Variants in EHHADH observed in about 807,000 individuals in gnomAD.
EHHADH encodes the protein peroxisomal bifunctional enzyme.
Under a neutral mutation model 64.4 loss-of-function variants are expected in EHHADH, and 48 were observed. The observed-to-expected ratio is 0.75, with a 90% confidence interval of 0.59 to 0.95. The LOEUF is 0.95. Among genes scored for constraint, EHHADH ranks in the 40% least tolerant of loss-of-function variants. The pLI, the probability that EHHADH is intolerant of heterozygous loss-of-function variation, is 0.00. For missense variants in EHHADH, 854 were observed against 876.6 expected (o/e 0.97, Z 0.33); for synonymous variants, 308 against 326.7 (o/e 0.94, Z 0.62).
At chr3:185,235,229 T>C (rs1325475466) in intron 3 of EHHADH, 61 bp downstream of exon 3, 2 of 1,452,624 alleles carry the variant, frequency 1.4e-6, no homozygotes, top group Non-Finnish European at 1.8e-6. Flanking sequence ...TGACTACATT[T>C]AGAGTTTGCC....
intron 6 of EHHADH, among the ~76,000 whole-genome samples, chr3:185,204,147 AAAAAAAAAAAAG>A (rs1718308497): frequency 1.3e-5 from 2 of 150,842 alleles, no homozygotes; most frequent in South Asian, 4.2e-4. Flanking sequence ...AAAAAAAAAA[AAAAAAAAAAAAG>A]AATAAAACAT....
At chr3:185,246,985 T>C (rs2108652297) in intron 2 of EHHADH, among the ~76,000 whole-genome samples, 3 of 152,292 alleles carry the variant, frequency 2.0e-5, no homozygotes, top group Middle Eastern at 6.8e-3. Context: ...TATTTCTGTT[T>C]TTACTCAGAG....
intron 5 of EHHADH, among the ~76,000 whole-genome samples, chr3:185,211,932 C>T (rs1466244910): frequency 6.6e-6 from 1 of 152,144 alleles, no homozygotes; most frequent in Non-Finnish European, 1.5e-5. Context: ...GCTAACACAG[C>T]CCAGCACAGC....
At chr3:185,204,147 A>T (rs945601344) in intron 6 of EHHADH, among the ~76,000 whole-genome samples, 38 of 150,958 alleles carry the variant, frequency 2.5e-4, no homozygotes, top group Admixed American at 4.6e-4. Context: ...AAAAAAAAAA[A>T]AAAAAAAAAA....
At chr3:185,221,126 T>A (rs970092012) in intron 4 of EHHADH, among the ~76,000 whole-genome samples, 3 of 152,336 alleles carry the variant, frequency 2.0e-5, no homozygotes, top group African/African-American at 7.2e-5. Context: ...GTTTTCCTGA[T>A]TTCTTCCAAT....
intron 2 of EHHADH, among the ~76,000 whole-genome samples, chr3:185,239,078 G>A (rs10433360): frequency 6.6e-6 from 1 of 151,912 alleles, no homozygotes; most frequent in East Asian, 1.9e-4. Context: ...TGACTTTATT[G>A]AAGATCAGTT....
At chr3:185,204,822 T>C in intron 5 of EHHADH, 65 bp from the exon 6 acceptor site, 2 of 1,323,642 alleles carry the variant, frequency 1.5e-6, no homozygotes, top group East Asian at 2.3e-5. Context: ...TGTGAATATA[T>C]AGTAATAACA....
intron 6 of EHHADH, among the ~76,000 whole-genome samples, chr3:185,195,795 C>T (rs545894772): frequency 3.1e-4 from 47 of 152,214 alleles, no homozygotes; most frequent in African/African-American, 1.0e-3. Flanking sequence ...TGAGGGAAGA[C>T]GGAAGAGTTG....
intron 6 of EHHADH, among the ~76,000 whole-genome samples, chr3:185,200,303 T>C (rs1235687064): frequency 6.6e-6 from 1 of 152,162 alleles, no homozygotes; most frequent in Non-Finnish European, 1.5e-5. Context: ...ACTGATTTAG[T>C]CTCTCTAGAA....
intron 6 of EHHADH, among the ~76,000 whole-genome samples, chr3:185,198,621 G>T (rs1040758199): frequency 6.6e-6 from 1 of 151,888 alleles, no homozygotes; most frequent in Non-Finnish European, 1.5e-5. Context: ...AGCTGAGGCA[G>T]GTGGATCACT....
At chr3:185,251,608 ATGTGTGTGTGTGTGTGTGTG>A (rs3072431) in intron 1 of EHHADH, among the ~76,000 whole-genome samples, 1 of 149,200 alleles carries the variant, frequency 6.7e-6, no homozygotes, top group Non-Finnish European at 1.5e-5. Flanking sequence ...AAAAATTTAT[ATGTGTGTGTGTGTGTGTGTG>A]TGTGTGTGTG....
At chr3:185,194,139 T>C (rs1717992179) in intron 6 of EHHADH, among the ~76,000 whole-genome samples, 1 of 151,924 alleles carries the variant, frequency 6.6e-6, no homozygotes, top group Non-Finnish European at 1.5e-5. Context: ...AAGAACAAAG[T>C]TGGAGGATTC....
In EHHADH at chr3:185,199,524, A is replaced by G. The variant is rs370804185; in HGVS notation, c.910+4892T>C. Among the ~76,000 whole-genome samples the G allele has an allele frequency of 1.2e-3, 186 of 152,342 alleles. 2 individuals carry two copies. The highest frequency in any genetic ancestry group is 4.1e-3 in the African/African-American group (169 of 41,578). On this transcript the variant is annotated intron_variant, in intron 6 of 6. Coordinates refer to ENST00000231887, the MANE Select transcript of EHHADH (RefSeq NM_001966.4). ...AGGCCTAAAGTAGGTGATGGGGTAA[A>G]CTGTGGCCTGTAGGCCAAACCCCGC...
In EHHADH at chr3:185,192,099, T is replaced by A; in HGVS notation, c.*127A>T. ...ACCATTAGAGTCGTTACACAGAAGATTCTAATGATTATTTATTTTGCTTTG... is the reference window on the plus strand; with the variant it reads ...ACCATTAGAGTCGTTACACAGAAGAATCTAATGATTATTTATTTTGCTTTG... On this transcript the variant is annotated 3_prime_UTR_variant, in exon 7 of 7. Coordinates refer to ENST00000231887, the MANE Select transcript of EHHADH (RefSeq NM_001966.4). 8.9e-7 allele frequency: 1 copy of A among 1,121,944 alleles called. No homozygotes were observed. The highest frequency in any genetic ancestry group is 1.3e-6 in the Non-Finnish European group (1 of 789,238). 69.5% of individuals were successfully genotyped at this position (1,121,944 alleles called of 1,614,324 possible).
intron 1 of EHHADH, among the ~76,000 whole-genome samples, chr3:185,251,333 C>T (rs1719740581): frequency 6.6e-6 from 1 of 151,788 alleles, no homozygotes; most frequent in Admixed American, 6.6e-5. Flanking sequence ...AAACAATATA[C>T]CAAGTAAGGA....
At chr3:185,220,558 C>T (rs147079896) in intron 4 of EHHADH, among the ~76,000 whole-genome samples, 24 of 152,274 alleles carry the variant, frequency 1.6e-4, no homozygotes, top group African/African-American at 5.8e-4. Context: ...ACAAACTCGC[C>T]TAATGATTTC....
intron 5 of EHHADH, among the ~76,000 whole-genome samples, chr3:185,213,365 C>T (rs938849875): frequency 5.3e-5 from 8 of 152,016 alleles, no homozygotes; most frequent in Non-Finnish European, 1.0e-4. Context: ...CCCTGCTAAC[C>T]GTGCTTTAAC....
At chr3:185,228,280 GGAGAGA>G (rs35818610) in intron 4 of EHHADH, among the ~76,000 whole-genome samples, 3 of 95,578 alleles carry the variant, frequency 3.1e-5, no homozygotes, top group Admixed American at 2.9e-4. Context: ...ATATATATAT[GGAGAGA>G]GAGAGAGAGA....
At chr3:185,220,532 T>C (rs952434028) in intron 4 of EHHADH, among the ~76,000 whole-genome samples, 2 of 152,206 alleles carry the variant, frequency 1.3e-5, no homozygotes, top group African/African-American at 4.8e-5. Context: ...AAGTAAACCA[T>C]GATGGTCACA....
Sources: allele counts gnomAD v4.1 joint callset (sites outside exome capture counted in the v4.1 genomes callset), GRCh38; gene constraint gnomAD v4.1.1; transcripts MANE v1.5; gene names NCBI Gene and HGNC (gene_info 2026-07-23, HGNC 2026-07-21).